Variants in GALNT10 observed in about 807,000 individuals in gnomAD.
GALNT10 encodes GalNAc transferase 10.
GALNT10 carries 41 observed loss-of-function variants against 75.0 expected under a neutral mutation model. That is an observed-to-expected ratio of 0.55 (90% confidence interval 0.43 to 0.71). The LOEUF is 0.71. Among genes scored for constraint, GALNT10 ranks in the 30% least tolerant of loss-of-function variants. The pLI, the probability that GALNT10 is intolerant of heterozygous loss-of-function variation, is 0.00. For synonymous variants in GALNT10, 302 were observed against 313.0 expected, an observed-to-expected ratio of 0.96 and a Z score of 0.37; for missense variants, 727 against 818.5, an observed-to-expected ratio of 0.89 and a Z score of 1.36.
chr5:154,341,109 T>G (rs1185079279), intron 4 of GALNT10, among the ~76,000 whole-genome samples: 1 of 152,170 alleles, frequency 6.6e-6, no homozygotes, highest in African/African-American at 2.4e-5. Flanking sequence ...TAGACACGTG[T>G]TAAGGCCAAA....
In GALNT10 at chr5:154,298,153, G is replaced by T; in HGVS notation, c.401+74G>T. The T allele has an allele frequency of 7.2e-7, 1 of 1,383,518 alleles. No individual in the cohort carries two copies. Among genetic ancestry groups the T allele is most frequent in the Non-Finnish European group, 1.0e-6 (1 of 987,960 alleles). The allele number at this position is 1,383,518 out of a possible 1,614,324, so 85.7% of individuals were successfully genotyped here. A position where few individuals can be genotyped will look rare whatever the true frequency, so the allele number is the denominator to read the frequency against. On this transcript the variant is annotated intron_variant, in intron 3 of 11. Coordinates refer to ENST00000297107, the MANE Select transcript of GALNT10 (RefSeq NM_198321.4). The surrounding 1 kb of genome is among the most constrained non-coding windows in gnomAD (Gnocchi z 4.1). ...CTGTTGTTGAGAATTAATTAAGGAA[G>T]CAGGTACATGGAGCCCTGCTGACGG...
intron 1 of GALNT10, among the ~76,000 whole-genome samples, chr5:154,230,822 A>G (rs1250141330): frequency 6.6e-6 from 1 of 152,222 alleles, no homozygotes; most frequent in Non-Finnish European, 1.5e-5. Context: ...CCCTGAACCT[A>G]ATCCAGGTCA....
At chr5:154,344,670 C>T (rs1755092990) in intron 4 of GALNT10, among the ~76,000 whole-genome samples, 1 of 152,132 alleles carries the variant, frequency 6.6e-6, no homozygotes, top group African/African-American at 2.4e-5. Flanking sequence ...CAGGTATTTG[C>T]AAGTTACCCA....
rs183611107 is a variant in GALNT10, at chr5:154,404,820, C to A, written c.1164+609C>A. Among the ~76,000 whole-genome samples the A allele has an allele frequency of 2.6e-5, 4 of 152,260 alleles. No individual in the cohort carries two copies. The East Asian group carries it at 7.7e-4, about 29-fold the overall frequency. The stretch of plus-strand genomic sequence containing the variant: ...TGTCAGTGTCTTTCTCTTCTCCTCA[C>A]CCCCTGTCTACTCTTACTGCCAAAA... On this transcript the variant is annotated intron_variant, in intron 8 of 11. Transcript: ENST00000297107.
chr5:154,416,117 C>A lies in GALNT10; in HGVS notation c.1653+185C>A, dbSNP rs1255890116. Among the ~76,000 whole-genome samples the A allele has an allele frequency of 6.6e-6, 1 of 152,180 alleles. No individual in the cohort carries two copies. The highest frequency in any genetic ancestry group is 2.4e-5 in the African/African-American group (1 of 41,434). Reference sequence around the variant, plus strand: ...AGACTTCACTGTGAAATCCTCAAGTCTTAAATGTTGGCAACTGATTCCATT... The same window carrying A: ...AGACTTCACTGTGAAATCCTCAAGTATTAAATGTTGGCAACTGATTCCATT... On this transcript the variant is annotated intron_variant, in intron 11 of 11. Coordinates refer to ENST00000297107, the MANE Select transcript of GALNT10 (RefSeq NM_198321.4). The surrounding 1 kb of genome is among the most constrained non-coding windows in gnomAD (Gnocchi z 4.5).
chr5:154,409,220 C>T lies in GALNT10; in HGVS notation c.1165-321C>T, dbSNP rs1433822358. On this transcript the variant is annotated intron_variant, in intron 8 of 11. Coordinates refer to ENST00000297107, the MANE Select transcript of GALNT10 (RefSeq NM_198321.4). The surrounding 1 kb of genome is among the most constrained non-coding windows in gnomAD (Gnocchi z 4.5). The stretch of plus-strand genomic sequence containing the variant: ...TAGCTAGGCTGGGTCCATGCCTTTC[C>T]TCCTGCCACATGAGCTGACAGGGAG... Among the ~76,000 whole-genome samples the T allele has an allele frequency of 1.3e-5, 2 of 152,194 alleles. No individual in the cohort carries two copies. Among genetic ancestry groups the T allele is most frequent in the Non-Finnish European group, 2.9e-5 (2 of 68,040 alleles).
At chr5:154,217,924 T>C (rs996425310) in intron 1 of GALNT10, 4 of 709,148 alleles carry the variant, frequency 5.6e-6, no homozygotes, top group Non-Finnish European at 6.9e-6. Flanking sequence ...TATAAATAAA[T>C]TGTACAGTTT....
chr5:154,351,185 TGAA>T (rs1755199995), intron 4 of GALNT10, among the ~76,000 whole-genome samples: 2 of 152,276 alleles, frequency 1.3e-5, no homozygotes, highest in Non-Finnish European at 2.9e-5. Context: ...CTCATTACTG[TGAA>T]GAAAATAATG....
At chr5:154,394,551 A>G (rs201831084) in intron 7 of GALNT10, among the ~76,000 whole-genome samples, 9 of 152,266 alleles carry the variant, frequency 5.9e-5, no homozygotes, top group Non-Finnish European at 1.3e-4. Context: ...CCCAGTGCTC[A>G]TCTCATTCCG....
At chr5:154,216,507 G>A (rs996219094) in intron 1 of GALNT10, among the ~76,000 whole-genome samples, 11 of 152,212 alleles carry the variant, frequency 7.2e-5, no homozygotes, top group Non-Finnish European at 1.3e-4. Context: ...GCTGCAAGCT[G>A]TTGTCTCCAA....
chr5:154,403,526 C>G (rs1756211283), intron 7 of GALNT10, among the ~76,000 whole-genome samples: 1 of 152,164 alleles, frequency 6.6e-6, no homozygotes, highest in African/African-American at 2.4e-5. Context: ...TCAGGGAGAC[C>G]CAGCGAGAGG....
chr5:154,405,146 G>A (rs752652829), intron 8 of GALNT10, among the ~76,000 whole-genome samples: 15 of 152,298 alleles, frequency 9.8e-5, no homozygotes, highest in African/African-American at 1.9e-4. Context: ...GGTGCTGGCC[G>A]GGTTGGCATT....
At chr5:154,251,097 C>T (rs937399298) in intron 1 of GALNT10, among the ~76,000 whole-genome samples, 3 of 152,198 alleles carry the variant, frequency 2.0e-5, no homozygotes, top group Admixed American at 6.5e-5. Flanking sequence ...AAACTGTGAA[C>T]GTAATGAATT....
At chr5:154,286,176 A>G (rs1476502272) in intron 1 of GALNT10, among the ~76,000 whole-genome samples, 1 of 152,040 alleles carries the variant, frequency 6.6e-6, no homozygotes, top group Non-Finnish European at 1.5e-5. Flanking sequence ...CCCCACCACC[A>G]CACATACTTC....
chr5:154,240,439 C>T (rs1359463976), intron 1 of GALNT10, among the ~76,000 whole-genome samples: 3 of 152,150 alleles, frequency 2.0e-5, no homozygotes, highest in African/African-American at 7.2e-5. Context: ...GGTTAGAGTA[C>T]TCAGTATGGG....
chr5:154,358,128 T>A (rs1488920705), intron 4 of GALNT10, among the ~76,000 whole-genome samples: 1 of 152,136 alleles, frequency 6.6e-6, no homozygotes, highest in Non-Finnish European at 1.5e-5. Flanking sequence ...CTCTTTACCA[T>A]TTTTCTCCCT....
chr5:154,213,766 C>T (rs909626689), intron 1 of GALNT10, among the ~76,000 whole-genome samples: 7 of 152,146 alleles, frequency 4.6e-5, no homozygotes, highest in Admixed American at 6.5e-5. Flanking sequence ...CTTTTTGTAG[C>T]GACAGGGATC....
chr5:154,268,419 T>C (rs940470599), intron 1 of GALNT10, among the ~76,000 whole-genome samples: 1 of 152,024 alleles, frequency 6.6e-6, no homozygotes, highest in African/African-American at 2.4e-5. Flanking sequence ...ACCACAGAGG[T>C]AGCTGTACTT....
intron 4 of GALNT10, chr5:154,356,341 G>A (rs1755289281): frequency 5.0e-6 from 2 of 398,734 alleles, no homozygotes; most frequent in South Asian, 3.7e-5. Context: ...GGGAAAGCAA[G>A]GAGACAGTGA....
Sources: allele counts gnomAD v4.1 joint callset (sites outside exome capture counted in the v4.1 genomes callset), GRCh38; gene constraint gnomAD v4.1.1; non-coding constraint Gnocchi (gnomAD v3.1); transcripts MANE v1.5; gene names NCBI Gene and HGNC (gene_info 2026-07-23, HGNC 2026-07-21).